CNTN4: variants seen among roughly 807,000 people sequenced by gnomAD.
The protein encoded by CNTN4 is contactin 4, also known as contactin-4.
A neutral mutation model predicts 122.5 loss-of-function variants in CNTN4; 77 were observed. The observed-to-expected ratio is 0.63, with a 90% CI of 0.52 to 0.76. The LOEUF is 0.76. CNTN4 is among the 30% of genes least tolerant of loss of function. The pLI is 0.00. For synonymous variants in CNTN4, 512 were observed against 447.0 expected (o/e 1.15, Z -1.83); for missense variants, 1,256 against 1,259.1 (o/e 1.00, Z 0.04).
intron 2 of CNTN4, among the ~76,000 whole-genome samples, chr3:2,189,822 C>T (rs77618708): frequency 0.052 from 7,926 of 152,256 alleles, 285 homozygotes; most frequent in Non-Finnish European, 0.077. Flanking sequence ...GAGTGATTCT[C>T]AGGTTACTCT....
chr3:2,426,125 A>G (rs1337757420), intron 3 of CNTN4, among the ~76,000 whole-genome samples: 1 of 152,126 alleles, frequency 6.6e-6, no homozygotes, highest in Non-Finnish European at 1.5e-5. Context: ...GTGGTGAGAG[A>G]GGGCATCCCT....
At chr3:2,773,281 A>G (rs751349903) in intron 6 of CNTN4, among the ~76,000 whole-genome samples, 24 of 152,212 alleles carry the variant, frequency 1.6e-4, no homozygotes, top group Non-Finnish European at 3.1e-4. Flanking sequence ...AAATTTTTGT[A>G]TATTTTAATA....
At chr3:2,473,154 C>A (rs2075735066) in intron 3 of CNTN4, among the ~76,000 whole-genome samples, 1 of 150,480 alleles carries the variant, frequency 6.6e-6, no homozygotes, top group Non-Finnish European at 1.5e-5. Context: ...TCGCTTGAAC[C>A]CAAAAGGTGG....
chr3:2,587,360 GTA>G (rs561577037), intron 4 of CNTN4, among the ~76,000 whole-genome samples: 256 of 152,302 alleles, frequency 1.7e-3, no homozygotes, highest in Non-Finnish European at 3.0e-3. Flanking sequence ...GTGATATTCT[GTA>G]TAGAATTTTG....
chr3:2,689,337 C>A (rs1194036004), intron 4 of CNTN4, among the ~76,000 whole-genome samples: 2 of 152,112 alleles, frequency 1.3e-5, no homozygotes, highest in East Asian at 3.9e-4. Flanking sequence ...GAAAAAGAAT[C>A]CTCACTGAAG....
At chr3:2,103,759 G>C (rs2125093650) in intron 2 of CNTN4, among the ~76,000 whole-genome samples, 1 of 151,794 alleles carries the variant, frequency 6.6e-6, no homozygotes, top group East Asian at 1.9e-4. Context: ...ATGACTAAGG[G>C]GACTGTATAT....
At chr3:2,753,982 C>T (rs1439980329) in intron 6 of CNTN4, among the ~76,000 whole-genome samples, 1 of 152,024 alleles carries the variant, frequency 6.6e-6, no homozygotes, top group Non-Finnish European at 1.5e-5. Flanking sequence ...TGCAGATTTC[C>T]AATTTATTGC....
At chr3:2,833,332 T>C (rs1235998070) in intron 7 of CNTN4, among the ~76,000 whole-genome samples, 1 of 152,136 alleles carries the variant, frequency 6.6e-6, no homozygotes, top group Non-Finnish European at 1.5e-5. Context: ...TTGTAGCAAA[T>C]TGAATTAGTG....
rs2040976273 is a variant in CNTN4 at position 2,264,823 on chromosome 3, A to G, written c.-144-74355A>G. The stretch of plus-strand genomic sequence containing the variant: ...TGGTGAAAGATGAGAATCTAGTTTC[A>G]TTCTCCTGTATATAGTTTTCCCAAC... On this transcript the variant is annotated intron_variant, in intron 2 of 24. Transcript: ENST00000418658. Among the ~76,000 whole-genome samples the G allele has an allele frequency of 2.6e-5, 4 of 152,036 alleles. No homozygotes were observed. The South Asian group carries it at 8.3e-4, about 31-fold the overall frequency.
chr3:2,533,632 A>G (rs934825914), intron 3 of CNTN4, among the ~76,000 whole-genome samples: 23 of 152,154 alleles, frequency 1.5e-4, no homozygotes, highest in African/African-American at 3.4e-4. Context: ...ATGATTTATA[A>G]TCCTTTGGGT....
At chr3:2,300,383 A>G (rs1559429915) in intron 2 of CNTN4, among the ~76,000 whole-genome samples, 2 of 152,094 alleles carry the variant, frequency 1.3e-5, no homozygotes, top group African/African-American at 4.8e-5. Context: ...ATTGTTGGGA[A>G]AGCTTTGCAT....
In CNTN4 at chr3:2,765,698, A is replaced by G. The variant is rs116287781; in HGVS notation, c.358+20001A>G. Among the ~76,000 whole-genome samples, 946 of 152,302 alleles carry G rather than the reference A, an allele frequency of 6.2e-3. 13 individuals carry two copies. Among genetic ancestry groups the G allele is most frequent in the African/African-American group, 0.022 (901 of 41,566 alleles). ...AAGTTCCTCTGTCGTCTTTGTTTCT[A>G]GTTATAAAACAGGTGCCCTCAGAGA... On this transcript the variant is annotated intron_variant, in intron 6 of 24. Transcript: ENST00000418658.
At chr3:2,952,274 C>T (rs1262584483) in intron 13 of CNTN4, among the ~76,000 whole-genome samples, 1 of 152,140 alleles carries the variant, frequency 6.6e-6, no homozygotes, top group East Asian at 1.9e-4. Context: ...ACTCTTAGTC[C>T]AAGACTCTCT....
chr3:2,945,875 C>A (rs1039052084), intron 13 of CNTN4, among the ~76,000 whole-genome samples: 3 of 152,080 alleles, frequency 2.0e-5, no homozygotes, highest in African/African-American at 7.2e-5. Flanking sequence ...ATATACATCA[C>A]AATATAGTTA....
At chr3:2,361,684 A>T (rs554577149) in intron 3 of CNTN4, among the ~76,000 whole-genome samples, 1 of 152,362 alleles carries the variant, frequency 6.6e-6, no homozygotes, top group Admixed American at 6.5e-5. Flanking sequence ...TTTTACTTTT[A>T]TAAAATAAAA....
At chr3:2,405,535 G>A (rs745677442) in intron 3 of CNTN4, among the ~76,000 whole-genome samples, 1 of 151,974 alleles carries the variant, frequency 6.6e-6, no homozygotes, top group Non-Finnish European at 1.5e-5. Flanking sequence ...AATAACTATA[G>A]TTATTTATTT....
chr3:2,354,518 C>T (rs962768960), intron 3 of CNTN4, among the ~76,000 whole-genome samples: 2 of 152,028 alleles, frequency 1.3e-5, no homozygotes, highest in East Asian at 1.9e-4. Context: ...GTGGCAAGAG[C>T]GAGACTCCAT....
chr3:2,101,127 T>G (rs1399948082), intron 2 of CNTN4, among the ~76,000 whole-genome samples: 4 of 152,230 alleles, frequency 2.6e-5, no homozygotes, highest in Non-Finnish European at 4.4e-5. Context: ...TAAGAGTGAT[T>G]AGAGAACAAA....
intron 2 of CNTN4, among the ~76,000 whole-genome samples, chr3:2,323,298 G>T (rs1196556356): frequency 1.3e-5 from 2 of 152,086 alleles, no homozygotes; most frequent in African/African-American, 4.8e-5. Context: ...GCCAGGGGAG[G>T]GAAAGTCACA....
Sources: gnomAD v4.1 joint callset for allele counts (sites outside exome capture counted in the v4.1 genomes callset) on GRCh38, gnomAD v4.1.1 for gene constraint, MANE v1.5 for transcripts, NCBI Gene and HGNC (gene_info 2026-07-23, HGNC 2026-07-21) for gene names.